SLC67A2: variants seen among roughly 807,000 people sequenced by gnomAD.
SLC67A2 encodes solute carrier family 67 member A2.
At chr2:102,723,467 C>G in the SLC67A2 span, among the ~76,000 whole-genome samples, 1 of 151,230 alleles carries the variant, frequency 6.6e-6, no homozygotes, top group Middle Eastern at 3.2e-3. Context: ...AAAACTTGGT[C>G]TCAAAAAAGA....
the SLC67A2 span, among the ~76,000 whole-genome samples, chr2:102,735,846 G>GCGCACACACACACACA: frequency 6.7e-6 from 1 of 149,594 alleles, no homozygotes; most frequent in East Asian, 2.0e-4. Context: ...ACGCGCGCGC[G>GCGCACACACACACACA]CACACACACA....
At chr2:102,727,607 TA>T in the SLC67A2 span, among the ~76,000 whole-genome samples, 108 of 152,354 alleles carry the variant, frequency 7.1e-4, no homozygotes, top group South Asian at 1.2e-3. Flanking sequence ...AAAATATAAA[TA>T]ACGCTACAAT....
the SLC67A2 span, chr2:102,716,825 G>A: frequency 6.6e-6 from 1 of 152,172 alleles, no homozygotes; most frequent in Non-Finnish European, 1.5e-5. Flanking sequence ...TTAAGTAACT[G>A]ATTAATACTT....
the SLC67A2 span, among the ~76,000 whole-genome samples, chr2:102,715,199 T>G: frequency 6.6e-6 from 1 of 152,176 alleles, no homozygotes; most frequent in Non-Finnish European, 1.5e-5. Context: ...GAGCTCTTTC[T>G]AAAACAGGAG....
chr2:102,715,155 G>A, the SLC67A2 span, among the ~76,000 whole-genome samples: 2 of 152,136 alleles, frequency 1.3e-5, no homozygotes, highest in Non-Finnish European at 2.9e-5. Flanking sequence ...ACTACTCCTT[G>A]GGCCTCCAGT....
At chr2:102,734,695 A>G in the SLC67A2 span, among the ~76,000 whole-genome samples, 1 of 152,280 alleles carries the variant, frequency 6.6e-6, no homozygotes, top group South Asian at 2.1e-4. Context: ...AACTTTTGGG[A>G]AACCATAAAC....
chr2:102,731,227 T>C, the SLC67A2 span, among the ~76,000 whole-genome samples: 1 of 151,600 alleles, frequency 6.6e-6, no homozygotes, highest in African/African-American at 2.4e-5. Context: ...CTTGGAAAAA[T>C]GGAAGTAATA....
the SLC67A2 span, chr2:102,718,347 G>T: frequency 6.5e-7 from 1 of 1,546,352 alleles, no homozygotes; most frequent in Non-Finnish European, 8.8e-7. Flanking sequence ...TTTCCAAAGT[G>T]CCCTTTTCAT....
chr2:102,732,483 T>G, the SLC67A2 span: 5 of 1,244,060 alleles, frequency 4.0e-6, no homozygotes, highest in South Asian at 7.2e-5. Flanking sequence ...TTAAACTAAT[T>G]TAAAAAATAA....
chr2:102,718,771 G>A, the SLC67A2 span: 1 of 1,613,816 alleles, frequency 6.2e-7, no homozygotes, highest in South Asian at 1.1e-5. Flanking sequence ...AGGTGAGTAT[G>A]CTGGAATGCA....
chr2:102,733,005 C>T, the SLC67A2 span, among the ~76,000 whole-genome samples: 2 of 152,130 alleles, frequency 1.3e-5, no homozygotes, highest in South Asian at 2.1e-4. Context: ...ACCAAGCTTC[C>T]GTGCTGTCAT....
chr2:102,714,932 CCT>C, the SLC67A2 span, among the ~76,000 whole-genome samples: 1 of 152,174 alleles, frequency 6.6e-6, no homozygotes, highest in East Asian at 1.9e-4. Flanking sequence ...GATTCTCACT[CCT>C]GATAGATTTC....
At chr2:102,723,839 C>A in the SLC67A2 span, 1 of 1,614,180 alleles carries the variant, frequency 6.2e-7, no homozygotes, top group African/African-American at 1.3e-5. Flanking sequence ...CGATTACAAG[C>A]GGCCGTTCCT....
chr2:102,723,551 C>A, the SLC67A2 span: 1 of 582,722 alleles, frequency 1.7e-6, no homozygotes, highest in Admixed American at 3.8e-5. Flanking sequence ...CTATGGAAAA[C>A]ACTAGGGGGG....
chr2:102,724,562 A>G, the SLC67A2 span, among the ~76,000 whole-genome samples: 29 of 152,340 alleles, frequency 1.9e-4, no homozygotes, highest in African/African-American at 6.0e-4. Flanking sequence ...TTTGACTCCT[A>G]TGTCCCTAGA....
At chr2:102,730,865 T>C in the SLC67A2 span, among the ~76,000 whole-genome samples, 1 of 152,240 alleles carries the variant, frequency 6.6e-6, no homozygotes, top group Admixed American at 6.5e-5. Context: ...TGATAATAAC[T>C]TTTGTTTACA....
the SLC67A2 span, chr2:102,716,455 T>C: frequency 2.6e-5 from 4 of 152,222 alleles, no homozygotes; most frequent in South Asian, 2.1e-4. Context: ...GGCCATTTTA[T>C]ATATTAATAA....
the SLC67A2 span, chr2:102,718,440 T>G: frequency 1.2e-6 from 2 of 1,614,102 alleles, no homozygotes; most frequent in Non-Finnish European, 1.7e-6. Context: ...TTTAATTTAC[T>G]ATTCCCATCA....
the SLC67A2 span, among the ~76,000 whole-genome samples, chr2:102,720,027 C>T: frequency 5.3e-5 from 8 of 152,324 alleles, no homozygotes; most frequent in South Asian, 1.4e-3. Context: ...CACATTCTTG[C>T]CTGTTGATCT....
Sources: gnomAD v4.1 joint callset for allele counts (sites outside exome capture counted in the v4.1 genomes callset) on GRCh38, gnomAD v4.1.1 for gene constraint, MANE v1.5 for transcripts, NCBI Gene and HGNC (gene_info 2026-07-23, HGNC 2026-07-21) for gene names.